The following CLCN3 variants were observed in gnomAD, a reference collection of about 807,000 sequenced individuals.
The protein encoded by CLCN3 is H(+)/Cl(-) exchange transporter 3.
Under a neutral mutation model 83.4 loss-of-function variants are expected in CLCN3, and 16 were observed. The observed-to-expected ratio is 0.19, with a 90% CI of 0.13 to 0.29. CLCN3 has a LOEUF of 0.29. Among genes scored for constraint, CLCN3 ranks in the 10% least tolerant of loss-of-function variants. CLCN3 has a pLI of 1.00. For synonymous variants in CLCN3, 322 were observed against 346.2 expected, an observed-to-expected ratio of 0.93 and a Z score of 0.78; for missense variants, 544 against 1,006.0, an observed-to-expected ratio of 0.54 and a Z score of 6.21.
intron 10 of CLCN3, among the ~76,000 whole-genome samples, chr4:169,705,322 G>A (rs535998860): frequency 6.6e-6 from 1 of 152,154 alleles, no homozygotes; most frequent in African/African-American, 2.4e-5. Flanking sequence ...TTTGGGAAAT[G>A]AAGTTGGATT....
intron 7 of CLCN3, among the ~76,000 whole-genome samples, chr4:169,693,887 G>T (rs1388230274): frequency 1.3e-5 from 2 of 152,120 alleles, no homozygotes. Context: ...TATATAAATG[G>T]CAAGAATTCA....
At chr4:169,633,192 A>G (rs755855294) in intron 1 of CLCN3, among the ~76,000 whole-genome samples, 3 of 151,902 alleles carry the variant, frequency 2.0e-5, no homozygotes, top group Non-Finnish European at 4.4e-5. Context: ...TTTTATTTTT[A>G]ATAGAGATGG....
At chr4:169,638,051 A>G (rs749943088) in intron 2 of CLCN3, among the ~76,000 whole-genome samples, 38 of 152,142 alleles carry the variant, frequency 2.5e-4, no homozygotes, top group South Asian at 4.1e-4. Context: ...TGCATTTAAC[A>G]TAATCACCAA....
chr4:169,667,023 C>T (rs889390018), intron 2 of CLCN3, among the ~76,000 whole-genome samples: 1 of 152,118 alleles, frequency 6.6e-6, no homozygotes, highest in Non-Finnish European at 1.5e-5. Context: ...TGATGTAGTT[C>T]AGTTTATCTA....
chr4:169,720,001 TCA>T lies in CLCN3; in HGVS notation c.*7_*8del. On this transcript the variant is annotated 3_prime_UTR_variant, in exon 13 of 13. Transcript: ENST00000513761. ...CGCTTCAATAATGTTCAACTGAATC[TCA>T]CAGATGAGGAGAGAGAAGAAACGGA... is the stretch of plus-strand genomic sequence containing the variant. 1 of 1,613,596 alleles carries T rather than the reference TCA, an allele frequency of 6.2e-7. No individual in the cohort carries two copies. The highest frequency in any genetic ancestry group is 8.5e-7 in the Non-Finnish European group (1 of 1,179,502).
At chr4:169,648,233 A>T (rs971319597) in intron 2 of CLCN3, among the ~76,000 whole-genome samples, 1 of 152,208 alleles carries the variant, frequency 6.6e-6, no homozygotes, top group Non-Finnish European at 1.5e-5. Flanking sequence ...TACAAATGTC[A>T]AGTTTCTTAG....
intron 1 of CLCN3, among the ~76,000 whole-genome samples, chr4:169,634,646 T>A (rs567699244): frequency 6.6e-6 from 1 of 152,352 alleles, no homozygotes; most frequent in African/African-American, 2.4e-5. Context: ...TTTTCTTTTT[T>A]AATTTGCTAA....
chr4:169,691,846 A>G (rs1732386513), intron 6 of CLCN3, among the ~76,000 whole-genome samples: 1 of 152,124 alleles, frequency 6.6e-6, no homozygotes. Flanking sequence ...TAAGGTCTGT[A>G]TTCATTTTAA....
intron 2 of CLCN3, among the ~76,000 whole-genome samples, chr4:169,668,788 TATC>T (rs930624096): frequency 2.6e-5 from 4 of 152,104 alleles, no homozygotes; most frequent in African/African-American, 9.7e-5. Context: ...CATACTTTCT[TATC>T]ATCCAAGAGC....
intron 2 of CLCN3, among the ~76,000 whole-genome samples, chr4:169,649,217 G>T (rs1730664382): frequency 6.6e-6 from 1 of 152,130 alleles, no homozygotes; most frequent in South Asian, 2.1e-4. Flanking sequence ...AGCGTTAGAG[G>T]TAAAATGTCT....
chr4:169,699,135 A>C (rs944018855), intron 9 of CLCN3, among the ~76,000 whole-genome samples: 4 of 152,184 alleles, frequency 2.6e-5, no homozygotes, highest in Middle Eastern at 3.2e-3. Context: ...TAAGTTATGG[A>C]CATCTTTGAT....
intron 1 of CLCN3, among the ~76,000 whole-genome samples, chr4:169,635,546 A>C (rs1773480538): frequency 6.6e-6 from 1 of 152,146 alleles, no homozygotes; most frequent in Non-Finnish European, 1.5e-5. Flanking sequence ...AATATTCAAA[A>C]GGGGCAGTCT....
At chr4:169,622,393 A>G (rs1773131751) in intron 1 of CLCN3, among the ~76,000 whole-genome samples, 1 of 152,054 alleles carries the variant, frequency 6.6e-6, no homozygotes, top group Non-Finnish European at 1.5e-5. Context: ...CATGTTGGTC[A>G]TAATTTTCAG....
rs934311961 is a variant in CLCN3 at position 169,621,074 on chromosome 4, T to C, written c.-17+11T>C. ...TCTCTGAGCTGCGAGGTGAGTTGCA[T>C]TGTATGAGCGAAGAGTTGTCAGCTC... On this transcript the variant is annotated intron_variant, in intron 1 of 12. Coordinates refer to ENST00000513761, the MANE Select transcript of CLCN3 (RefSeq NM_001829.4). 7.6e-6 allele frequency: 3 copies of C among 396,866 alleles called. No homozygotes were observed. Among genetic ancestry groups the C allele is most frequent in the South Asian group, 1.4e-4 (1 of 7,008 alleles). The allele number at this position is 396,866 out of a possible 1,614,324, so 24.6% of individuals were successfully genotyped here.
chr4:169,648,101 A>G (rs1164816400), intron 2 of CLCN3, among the ~76,000 whole-genome samples: 1 of 152,236 alleles, frequency 6.6e-6, no homozygotes. Context: ...CTAAGACCGA[A>G]GGAGTTCAGG....
intron 2 of CLCN3, among the ~76,000 whole-genome samples, chr4:169,643,978 A>C (rs1181195176): frequency 1.3e-5 from 2 of 152,216 alleles, no homozygotes; most frequent in Non-Finnish European, 2.9e-5. Context: ...TGAGTGTGTC[A>C]GTTTTTCTTT....
intron 2 of CLCN3, among the ~76,000 whole-genome samples, chr4:169,668,120 A>C (rs539070393): frequency 2.1e-5 from 3 of 144,974 alleles, no homozygotes; most frequent in Admixed American, 7.2e-5. Flanking sequence ...TAACTTAGTC[A>C]TATGAGTAAT....
At chr4:169,699,619 C>T (rs1314880183) in intron 9 of CLCN3, among the ~76,000 whole-genome samples, 1 of 152,150 alleles carries the variant, frequency 6.6e-6, no homozygotes, top group African/African-American at 2.4e-5. Context: ...CGCAGTGGCT[C>T]ACACCTGTAA....
Position 169,690,586 on chromosome 4 carries a change from T to C in CLCN3, c.663T>C (p.Phe221=). The change falls in exon 6 of 13, where the codon TTT becomes TTC. Residue 221 remains phenylalanine (F), a synonymous_variant. Coordinates refer to ENST00000513761, the MANE Select transcript of CLCN3 (RefSeq NM_001829.4). ...TGTACATCTTCTGGGCCTTGAGTTT[T>C]GCCTTTCTTGCAGTTTCCCTGGTAA... The part of the protein sequence containing the change: ...YIMYIFWALS[F]AFLAVSLVKV... 6.2e-7 allele frequency: 1 copy of C among 1,613,914 alleles called. No homozygotes were observed. Among genetic ancestry groups the C allele is most frequent in the Admixed American group, 1.7e-5 (1 of 60,030 alleles).
Sources: allele counts gnomAD v4.1 joint callset (sites outside exome capture counted in the v4.1 genomes callset), GRCh38; gene constraint gnomAD v4.1.1; transcripts MANE v1.5; gene names NCBI Gene and HGNC (gene_info 2026-07-23, HGNC 2026-07-21).